Variants in CHD1L observed in about 807,000 individuals in gnomAD.
CHD1L encodes the protein chromodomain helicase DNA binding protein 1 like.
A neutral mutation model predicts 115.9 loss-of-function variants in CHD1L; 118 were observed. The observed-to-expected ratio is 1.02, with a 90% confidence interval of 0.88 to 1.19. The LOEUF is 1.19. Ranked by LOEUF, CHD1L falls within the 50% of genes most tolerant of loss-of-function variation. CHD1L has a pLI of 0.00. For synonymous variants in CHD1L, 411 were observed against 387.1 expected (o/e 1.06, Z -0.72); for missense variants, 1,179 against 1,065.3 (o/e 1.11, Z -1.49).
chr1:147,273,276 G>T (rs1462403256), intron 12 of CHD1L, among the ~76,000 whole-genome samples: 1 of 152,146 alleles, frequency 6.6e-6, no homozygotes, highest in African/African-American at 2.4e-5. Flanking sequence ...AATCTTGATG[G>T]AGTACATGCA....
At chr1:147,200,405 A>T in the CHD1L span, among the ~76,000 whole-genome samples, 4 of 151,962 alleles carry the variant, frequency 2.6e-5, no homozygotes, top group African/African-American at 2.4e-5. Context: ...CCCTTAAAAA[A>T]TTTTTCTCTC....
At chr1:147,267,744 A>G (rs782456244) in intron 9 of CHD1L, among the ~76,000 whole-genome samples, 42 of 152,232 alleles carry the variant, frequency 2.8e-4, no homozygotes, top group Admixed American at 1.8e-3. Flanking sequence ...TCCACGATCC[A>G]GTCCTAGATC....
intron 6 of CHD1L, among the ~76,000 whole-genome samples, chr1:147,262,996 TG>T (rs779676081): frequency 1.4e-4 from 22 of 152,250 alleles, no homozygotes; most frequent in Non-Finnish European, 2.6e-4. Flanking sequence ...AAAGTCAAAA[TG>T]TATATTAAAT....
intron 13 of CHD1L, 102 bp downstream of exon 13, chr1:147,275,570 G>A (rs782293139): frequency 8.1e-5 from 66 of 815,646 alleles, no homozygotes; most frequent in Non-Finnish European, 1.3e-4. Context: ...ACTGGGAGCT[G>A]AGAGACCACC....
chr1:147,190,118 TC>T, the CHD1L span: 1 of 1,166,828 alleles, frequency 8.6e-7, no homozygotes. Flanking sequence ...GTACAATATT[TC>T]TTTTATTAAG....
At chr1:147,206,173 T>A in the CHD1L span, among the ~76,000 whole-genome samples, 2 of 150,414 alleles carry the variant, frequency 1.3e-5, no homozygotes, top group Non-Finnish European at 3.0e-5. Flanking sequence ...AAAATGCTCA[T>A]CATCACTGGC....
At position 147,278,642 on chromosome 1, in the gene CHD1L, C is replaced by T. The variant is rs782294473; in HGVS notation, c.1540-1384C>T. 2.0e-4 allele frequency among the ~76,000 whole-genome samples: 31 copies of T among 151,780 alleles called. No homozygotes were observed. The South Asian group carries it at 3.5e-3, about 17-fold the overall frequency. On this transcript the variant is annotated intron_variant, in intron 14 of 22. Coordinates refer to ENST00000369258, the MANE Select transcript of CHD1L (RefSeq NM_004284.6). Reference sequence around the variant, plus strand: ...TGAAAGAAGGAAACAGGTTTTTTATCCTGCAGGGAGGACACAGTAGAAACA... The same window carrying T: ...TGAAAGAAGGAAACAGGTTTTTTATTCTGCAGGGAGGACACAGTAGAAACA...
intron 15 of CHD1L, among the ~76,000 whole-genome samples, chr1:147,283,414 C>G (rs587705312): frequency 6.6e-6 from 1 of 152,078 alleles, no homozygotes; most frequent in African/African-American, 2.4e-5. Flanking sequence ...ATATGCTTCC[C>G]GATTCAATCA....
chr1:147,267,404 T>C (rs1306091701), intron 8 of CHD1L, 22 bp from the exon 9 acceptor site: 2 of 1,582,322 alleles, frequency 1.3e-6, no homozygotes, highest in Non-Finnish European at 1.7e-6. Context: ...TTTCTGTCTC[T>C]CTCTTTTTTT....
intron 20 of CHD1L, among the ~76,000 whole-genome samples, chr1:147,293,312 T>C (rs111666424): frequency 2.2e-5 from 2 of 89,660 alleles, no homozygotes; most frequent in African/African-American, 3.5e-5. Flanking sequence ...AAAATTCTCT[T>C]TTTTTTTTTA....
intron 1 of CHD1L, among the ~76,000 whole-genome samples, chr1:147,249,001 G>GT (rs1376560253): frequency 6.6e-6 from 1 of 152,180 alleles, no homozygotes; most frequent in African/African-American, 2.4e-5. Context: ...AAAACCTATT[G>GT]TATTTACACG....
chr1:147,242,739 A>G lies in CHD1L; in HGVS notation c.36A>G (p.Gln12=), dbSNP rs587765929. ...CGGGCGCTACTAGCCGCGGGGGCCA[A>G]GCCCCTGGCTTCTTACTGCGGCTTC... ...ERAGATSRGG[Q]APGFLLRLHT... Residue 12 remains glutamine (Q), a synonymous_variant, in exon 1 of 23, where the codon CAA becomes CAG. Coordinates refer to ENST00000369258, the MANE Select transcript of CHD1L (RefSeq NM_004284.6). 6.3e-4 allele frequency: 792 copies of G among 1,261,968 alleles called. No individual in the cohort carries two copies. The highest frequency in any genetic ancestry group is 7.4e-4 in the Admixed American group (19 of 25,632). 78.2% of individuals were successfully genotyped at this position (1,261,968 alleles called of 1,614,324 possible). A position where few individuals can be genotyped will look rare whatever the true frequency, so the allele number is the denominator to read the frequency against.
the CHD1L span, among the ~76,000 whole-genome samples, chr1:147,200,423 A>G: frequency 6.6e-6 from 1 of 152,078 alleles, no homozygotes; most frequent in Non-Finnish European, 1.5e-5. Flanking sequence ...CTCTCTCCTT[A>G]TTAAACGCAC....
chr1:147,264,595 T>G lies in CHD1L; in HGVS notation c.739+11T>G. 1 of 1,611,292 alleles carries G rather than the reference T, an allele frequency of 6.2e-7. No individual in the cohort carries two copies. The highest frequency in any genetic ancestry group is 8.5e-7 in the Non-Finnish European group (1 of 1,178,802). The stretch of plus-strand genomic sequence containing the variant: ...AAGAATCTGAGTCAGGCAAGTTCCT[T>G]TCCTGCAAATCATCCCCAAGAAGCC... On this transcript the variant is annotated intron_variant, in intron 7 of 22. Transcript: ENST00000369258.
the CHD1L span, chr1:147,179,451 A>T: frequency 1.0e-5 from 16 of 1,590,198 alleles, 1 homozygote; most frequent in South Asian, 1.3e-4. Flanking sequence ...CTCCATATGA[A>T]GTCAGAGTTT....
chr1:147,234,099 AT>A, the CHD1L span, among the ~76,000 whole-genome samples: 9 of 152,120 alleles, frequency 5.9e-5, no homozygotes, highest in South Asian at 2.1e-4. Flanking sequence ...AATAAAAAAA[AT>A]AAATAAATAA....
chr1:147,186,944 TA>T, the CHD1L span: 5 of 1,614,138 alleles, frequency 3.1e-6, no homozygotes, highest in Non-Finnish European at 4.2e-6. Flanking sequence ...AGAGCTAGCA[TA>T]AACTTGCCTA....
At chr1:147,216,090 T>C in the CHD1L span, 3 of 586,554 alleles carry the variant, frequency 5.1e-6, 1 homozygote, top group Non-Finnish European at 8.9e-6. Context: ...TGTAGTCCCT[T>C]CCCCTTGAAT....
intron 8 of CHD1L, among the ~76,000 whole-genome samples, chr1:147,266,388 C>T (rs1180749208): frequency 5.3e-5 from 8 of 152,204 alleles, no homozygotes; most frequent in Non-Finnish European, 8.8e-5. Flanking sequence ...CTGTCAGATA[C>T]GGTAGTCCAC....
Sources: allele counts gnomAD v4.1 joint callset (sites outside exome capture counted in the v4.1 genomes callset), GRCh38; gene constraint gnomAD v4.1.1; transcripts MANE v1.5; gene names NCBI Gene and HGNC (gene_info 2026-07-23, HGNC 2026-07-21).